The following C18orf54 variants were observed in gnomAD, a reference collection of about 807,000 sequenced individuals.
The protein encoded by C18orf54 is lung adenoma susceptibility protein 2.
A neutral mutation model predicts 49.3 loss-of-function variants in C18orf54; 49 were observed. The observed-to-expected ratio is 0.99, with a 90% confidence interval of 0.79 to 1.26. C18orf54 has a LOEUF of 1.26. Ranked by LOEUF, C18orf54 falls within the 50% of genes most tolerant of loss-of-function variation. The probability of loss-of-function intolerance (pLI) is 0.00; values close to 1 mark genes in which losing one functional copy is unlikely to be tolerated. For missense variants in C18orf54, 687 were observed against 620.6 expected (o/e 1.11, Z -1.14); for synonymous variants, 211 against 216.6 (o/e 0.97, Z 0.23).
At chr18:54,377,910 C>G (rs886214152) in intron 8 of C18orf54, among the ~76,000 whole-genome samples, 1 of 151,956 alleles carries the variant, frequency 6.6e-6, no homozygotes, top group Non-Finnish European at 1.5e-5. Flanking sequence ...TGTTAGGGCA[C>G]TTGGCAGACT....
At chr18:54,360,506 C>T in intron 2 of C18orf54, 21 bp from the exon 3 acceptor site, 1 of 1,512,248 alleles carries the variant, frequency 6.6e-7, no homozygotes, top group South Asian at 1.2e-5. Context: ...GGCATCTTAA[C>T]ATTTCGTTTT....
At chr18:54,363,279 A>G (rs2089308842) in intron 5 of C18orf54, among the ~76,000 whole-genome samples, 4 of 152,048 alleles carry the variant, frequency 2.6e-5, no homozygotes, top group Admixed American at 2.0e-4. Flanking sequence ...CTGTTCCTCT[A>G]TAGTCTCTCC....
chr18:54,372,439 TTA>T (rs761627130), intron 6 of C18orf54, 25 bp from the exon 7 acceptor site: 2 of 1,495,546 alleles, frequency 1.3e-6, no homozygotes, highest in Non-Finnish European at 1.8e-6. Context: ...ATGGTTAACT[TTA>T]TACTATCATC....
intron 5 of C18orf54, 30 bp downstream of exon 5, chr18:54,362,951 A>G: frequency 6.4e-7 from 1 of 1,566,340 alleles, no homozygotes. Context: ...AAAACTGTTT[A>G]GTTTTCCAAA....
intron 6 of C18orf54, 56 bp from the exon 7 acceptor site, chr18:54,372,410 C>CT: frequency 7.3e-7 from 1 of 1,373,090 alleles, no homozygotes; most frequent in South Asian, 2.0e-5. Flanking sequence ...AAATAAAACT[C>CT]TTCTTTCCCT....
chr18:54,358,420 C>T (rs1479741972), intron 1 of C18orf54, among the ~76,000 whole-genome samples: 1 of 152,246 alleles, frequency 6.6e-6, no homozygotes, highest in Non-Finnish European at 1.5e-5. Context: ...CAGTCCATTG[C>T]TGCGCTCGCC....
Position 54,381,036 on chromosome 18 carries a change from A to G in C18orf54, c.*2790A>G, listed in dbSNP as rs1408565730. 6.6e-6 allele frequency: 1 copy of G among 152,140 alleles called. No homozygotes were observed. Among genetic ancestry groups the G allele is most frequent in the Non-Finnish European group, 1.5e-5 (1 of 67,992 alleles). The allele number at this position is 152,140 out of a possible 1,614,324, so 9.4% of individuals were successfully genotyped here. ...GCAAGACTGTGTGTCTTCCTATTAGATGTATAAATTGGATATTTCATGCCT... is the reference window on the plus strand; with the variant it reads ...GCAAGACTGTGTGTCTTCCTATTAGGTGTATAAATTGGATATTTCATGCCT... On this transcript the variant is annotated 3_prime_UTR_variant, in exon 9 of 9. Transcript: ENST00000620105.
intron 6 of C18orf54, among the ~76,000 whole-genome samples, chr18:54,370,348 A>G (rs1034443676): frequency 2.6e-5 from 4 of 152,076 alleles, no homozygotes; most frequent in Non-Finnish European, 5.9e-5. Context: ...AGTATTTATT[A>G]TCAGTAATCT....
chr18:54,362,919 T>C lies in C18orf54; in HGVS notation c.1221T>C (p.Thr407=), dbSNP rs1410206411. ...ADRSWENIPV[T]FKSPVPVNSD... ...GATCATGGGAAAATATTCCTGTTAC[T>C]TTGTAAGTAAGTGGCAATGGAAAAA... is the stretch of plus-strand genomic sequence containing the variant. Residue 407 remains threonine (T), a splice_region_variant and synonymous_variant, in exon 5 of 9, where the codon ACT becomes ACC. Transcript: ENST00000620105. The C allele has an allele frequency of 1.3e-6, 2 of 1,588,658 alleles. No individual in the cohort carries two copies. The highest frequency in any genetic ancestry group is 2.7e-5 in the African/African-American group (2 of 73,364).
chr18:54,376,627 C>T (rs1380750299), intron 8 of C18orf54, among the ~76,000 whole-genome samples: 1 of 152,218 alleles, frequency 6.6e-6, no homozygotes, highest in Non-Finnish European at 1.5e-5. Flanking sequence ...CCACCACGCC[C>T]AGCTGAATAT....
rs200929016 is a variant in C18orf54 at position 54,364,154 on chromosome 18, T to TG, written c.1223+1233_1223+1234insG. ...GTTGAGATATATATACATATTTTTT[T>TG]TAAACTTGATTTGATAATGAGTTCA... is the stretch of plus-strand genomic sequence containing the variant. On this transcript the variant is annotated intron_variant, in intron 5 of 8. Coordinates refer to ENST00000620105, the MANE Select transcript of C18orf54 (RefSeq NM_001288980.2). Among the ~76,000 whole-genome samples the TG allele has an allele frequency of 2.9e-3, 438 of 151,056 alleles. 20 individuals are homozygous for TG. In the East Asian group the frequency reaches 0.083, roughly 29 times the overall value.
In C18orf54 at chr18:54,372,532, C is replaced by A; in HGVS notation, c.1393C>A (p.Leu465Ile). The A allele has an allele frequency of 6.2e-7, 1 of 1,610,946 alleles. No individual in the cohort carries two copies. Among genetic ancestry groups the A allele is most frequent in the Non-Finnish European group, 8.5e-7 (1 of 1,177,920 alleles). Reference sequence around the variant, plus strand: ...AGCCCTGAAACAAATGTTATTTAACCTTCAAGCAGTACAAGAACGTTTTAA... The same window carrying A: ...AGCCCTGAAACAAATGTTATTTAACATTCAAGCAGTACAAGAACGTTTTAA... ...VEALKQMLFN[L>I]QAVQERFNQN... Residue 465 changes from leucine to isoleucine, a missense_variant, in exon 7 of 9, where the codon CTT becomes ATT. Coordinates refer to ENST00000620105, the MANE Select transcript of C18orf54 (RefSeq NM_001288980.2).
rs1309745545 is a variant in C18orf54 at position 54,379,140 on chromosome 18, C to T, written c.*894C>T. On this transcript the variant is annotated 3_prime_UTR_variant, in exon 9 of 9. Coordinates refer to ENST00000620105, the MANE Select transcript of C18orf54 (RefSeq NM_001288980.2). ...AGAGTTGTGCTTTCTTTAACACCAT[C>T]TGTAGTCTTAAGTTTGTCTCTAGCT... is the stretch of plus-strand genomic sequence containing the variant. The T allele has an allele frequency of 1.3e-5, 2 of 152,074 alleles. No individual in the cohort carries two copies. The highest frequency in any genetic ancestry group is 4.8e-5 in the African/African-American group (2 of 41,432). 9.4% of individuals were successfully genotyped at this position (152,074 alleles called of 1,614,324 possible). A position where few individuals can be genotyped will look rare whatever the true frequency, so the allele number is the denominator to read the frequency against.
At chr18:54,371,351 A>G (rs954468518) in intron 6 of C18orf54, among the ~76,000 whole-genome samples, 1 of 152,110 alleles carries the variant, frequency 6.6e-6, no homozygotes, top group Non-Finnish European at 1.5e-5. Flanking sequence ...ACAGTTTTCC[A>G]TTGTATGTAT....
Position 54,362,371 on chromosome 18 carries a change from C to T in C18orf54, c.1012C>T (p.His338Tyr), listed in dbSNP as rs755120213. ...LVNEYKCDFEHSQCQCENPLL... is the reference protein window; with the variant it reads ...LVNEYKCDFEYSQCQCENPLL... ...TAATGAATACAAATGTGATTTTGAA[C>T]ATAGCCAGTGTCAATGTGAGAATCC... is the stretch of plus-strand genomic sequence containing the variant. Residue 338 changes from histidine to tyrosine, a missense_variant, in exon 4 of 9, where the codon CAT becomes TAT. Coordinates refer to ENST00000620105, the MANE Select transcript of C18orf54 (RefSeq NM_001288980.2). 1.9e-5 allele frequency: 29 copies of T among 1,534,930 alleles called. No homozygotes were observed. In the South Asian group the frequency reaches 3.3e-4, roughly 18 times the overall value.
intron 5 of C18orf54, among the ~76,000 whole-genome samples, chr18:54,363,501 A>G (rs1435237029): frequency 6.6e-6 from 1 of 152,090 alleles, no homozygotes; most frequent in Non-Finnish European, 1.5e-5. Context: ...TATTTTTAGT[A>G]GAGACGGGGT....
Position 54,362,375 on chromosome 18 carries a change from G to A in C18orf54, c.1016G>A (p.Ser339Asn), listed in dbSNP as rs188778436. 5.9e-6 allele frequency: 9 copies of A among 1,534,730 alleles called. No individual in the cohort carries two copies. In the East Asian group the frequency reaches 2.0e-4, roughly 33 times the overall value. Residue 339 changes from serine (S) to asparagine (N), a missense_variant, in exon 4 of 9, where the codon AGC becomes AAC. Coordinates refer to ENST00000620105, the MANE Select transcript of C18orf54 (RefSeq NM_001288980.2). ...VNEYKCDFEHSQCQCENPLLP... is the reference protein window; with the variant it reads ...VNEYKCDFEHNQCQCENPLLP... Reference sequence around the variant, plus strand: ...GAATACAAATGTGATTTTGAACATAGCCAGTGTCAATGTGAGAATCCACTT... The same window carrying A: ...GAATACAAATGTGATTTTGAACATAACCAGTGTCAATGTGAGAATCCACTT...
At chr18:54,366,245 A>AT (rs1201492947) in intron 6 of C18orf54, among the ~76,000 whole-genome samples, 3 of 151,698 alleles carry the variant, frequency 2.0e-5, no homozygotes, top group Admixed American at 6.6e-5. Flanking sequence ...TCTAGCTGTA[A>AT]TTTTTTTATC....
chr18:54,369,914 T>C (rs2089455364), intron 6 of C18orf54, among the ~76,000 whole-genome samples: 1 of 47,840 alleles, frequency 2.1e-5, no homozygotes, highest in Admixed American at 2.9e-4. Context: ...TTTGTCTTTG[T>C]ATACAGTTGG....
Sources: gnomAD v4.1 joint callset for allele counts (sites outside exome capture counted in the v4.1 genomes callset) on GRCh38, gnomAD v4.1.1 for gene constraint, MANE v1.5 for transcripts, NCBI Gene and HGNC (gene_info 2026-07-23, HGNC 2026-07-21) for gene names.